ARB2A: variants seen among roughly 807,000 people sequenced by gnomAD.
ARB2A encodes the protein ARB2 cotranscriptional regulator A.
At chr5:94,031,096 T>C in the ARB2A span, among the ~76,000 whole-genome samples, 5 of 152,210 alleles carry the variant, frequency 3.3e-5, no homozygotes, top group Non-Finnish European at 7.3e-5. Flanking sequence ...TACTGGGTAG[T>C]GAGGTGTTTC....
chr5:93,652,972 C>T, the ARB2A span, among the ~76,000 whole-genome samples: 1 of 152,052 alleles, frequency 6.6e-6, no homozygotes. Context: ...TGCTAGTTTC[C>T]TTAAATGTAA....
the ARB2A span, among the ~76,000 whole-genome samples, chr5:93,792,348 G>A: frequency 1.3e-5 from 2 of 152,080 alleles, no homozygotes; most frequent in Admixed American, 6.6e-5. Context: ...CAGGCTCAGC[G>A]AAGAAGACAT....
the ARB2A span, among the ~76,000 whole-genome samples, chr5:93,695,502 T>A: frequency 1.3e-5 from 2 of 152,172 alleles, no homozygotes; most frequent in Non-Finnish European, 2.9e-5. Flanking sequence ...CTCATGCCAG[T>A]TAGAATGGCG....
chr5:93,705,647 GTGTGTATATATA>G, the ARB2A span, among the ~76,000 whole-genome samples: 3 of 143,514 alleles, frequency 2.1e-5, no homozygotes, highest in African/African-American at 8.0e-5. Context: ...GTGTGTGTGT[GTGTGTATATATA>G]TATATATATG....
chr5:93,867,260 C>T, the ARB2A span, among the ~76,000 whole-genome samples: 1 of 152,076 alleles, frequency 6.6e-6, no homozygotes, highest in Non-Finnish European at 1.5e-5. Context: ...AAAATAGTGA[C>T]TGTTTATAAC....
At chr5:93,812,236 G>A in the ARB2A span, among the ~76,000 whole-genome samples, 2 of 152,118 alleles carry the variant, frequency 1.3e-5, no homozygotes, top group Non-Finnish European at 2.9e-5. Flanking sequence ...ATTTGAGGCT[G>A]AGCCTAGAAC....
chr5:93,747,710 C>A, the ARB2A span, among the ~76,000 whole-genome samples: 37 of 152,150 alleles, frequency 2.4e-4, no homozygotes, highest in East Asian at 2.5e-3. Flanking sequence ...TAGTCCATTC[C>A]TCAAGCTCCC....
At chr5:93,928,637 C>A in the ARB2A span, among the ~76,000 whole-genome samples, 1 of 152,142 alleles carries the variant, frequency 6.6e-6, no homozygotes, top group East Asian at 1.9e-4. Flanking sequence ...GCTTTTAGAT[C>A]GTAAGAGTTA....
the ARB2A span, among the ~76,000 whole-genome samples, chr5:93,773,022 T>C: frequency 6.6e-6 from 1 of 152,222 alleles, no homozygotes; most frequent in African/African-American, 2.4e-5. Context: ...TATGGACTTT[T>C]CTCTAAATCA....
At chr5:93,658,536 G>A in the ARB2A span, among the ~76,000 whole-genome samples, 1 of 152,006 alleles carries the variant, frequency 6.6e-6, no homozygotes, top group Non-Finnish European at 1.5e-5. Flanking sequence ...GATTATGGTA[G>A]TTAACAAAAA....
the ARB2A span, among the ~76,000 whole-genome samples, chr5:94,032,007 G>A: frequency 6.6e-6 from 1 of 152,146 alleles, no homozygotes; most frequent in Admixed American, 6.5e-5. Context: ...GATTATGTTA[G>A]CTTCTTCCTA....
At chr5:94,067,547 T>G in the ARB2A span, among the ~76,000 whole-genome samples, 1 of 152,020 alleles carries the variant, frequency 6.6e-6, no homozygotes, top group Non-Finnish European at 1.5e-5. Context: ...ATAAATGAGC[T>G]GAGAAAGTGA....
chr5:93,854,788 T>G, the ARB2A span, among the ~76,000 whole-genome samples: 6 of 152,344 alleles, frequency 3.9e-5, no homozygotes, highest in African/African-American at 1.4e-4. Context: ...TTCTTAATCC[T>G]GAGTTCTAGT....
At chr5:94,057,635 T>C in the ARB2A span, among the ~76,000 whole-genome samples, 2 of 152,234 alleles carry the variant, frequency 1.3e-5, no homozygotes, top group South Asian at 2.1e-4. Flanking sequence ...TAAAACACTA[T>C]TGGAATTCTA....
At chr5:93,998,147 G>A in the ARB2A span, among the ~76,000 whole-genome samples, 37 of 151,932 alleles carry the variant, frequency 2.4e-4, no homozygotes, top group Non-Finnish European at 4.0e-4. Flanking sequence ...AAAATAAAGA[G>A]CGTAATGAGA....
chr5:93,779,067 C>T, the ARB2A span, among the ~76,000 whole-genome samples: 2 of 148,986 alleles, frequency 1.3e-5, no homozygotes, highest in African/African-American at 5.0e-5. Context: ...CAGAACTATA[C>T]AGATTTGATA....
the ARB2A span, among the ~76,000 whole-genome samples, chr5:93,808,284 T>C: frequency 6.6e-6 from 1 of 152,058 alleles, no homozygotes; most frequent in Non-Finnish European, 1.5e-5. Flanking sequence ...CAGCATTACT[T>C]TTAAGACTGT....
chr5:94,030,091 CCT>C, the ARB2A span, among the ~76,000 whole-genome samples: 1 of 152,164 alleles, frequency 6.6e-6, no homozygotes, highest in African/African-American at 2.4e-5. Context: ...GATTCATTTA[CCT>C]CTCACCGGGT....
At chr5:94,045,181 G>A in the ARB2A span, among the ~76,000 whole-genome samples, 6 of 150,314 alleles carry the variant, frequency 4.0e-5, no homozygotes, top group East Asian at 1.2e-3. Context: ...GGTTTTAAAA[G>A]GGGAGGTGTG....
Sources: gnomAD v4.1 joint callset for allele counts (sites outside exome capture counted in the v4.1 genomes callset) on GRCh38, gnomAD v4.1.1 for gene constraint, MANE v1.5 for transcripts, NCBI Gene and HGNC (gene_info 2026-07-23, HGNC 2026-07-21) for gene names.